The following B9D1 variants were observed in gnomAD, a reference collection of about 807,000 sequenced individuals.
The protein encoded by B9D1 is B9 domain containing 1.
In B9D1, 20 loss-of-function variants were observed where a neutral mutation model predicts 26.1. The observed-to-expected ratio is 0.77, with a 90% CI of 0.54 to 1.12. The LOEUF (loss-of-function observed/expected upper bound fraction) is 1.12. B9D1 is among the 50% of genes most tolerant of loss of function. The pLI is 0.00. For missense variants in B9D1, 260 were observed against 273.7 expected (o/e 0.95, Z 0.35); for synonymous variants, 105 against 103.1 (o/e 1.02, Z -0.11).
intron 2 of B9D1, among the ~76,000 whole-genome samples, chr17:19,358,781 T>A (rs1334293525): frequency 6.6e-6 from 1 of 152,202 alleles, no homozygotes; most frequent in African/African-American, 2.4e-5. Context: ...CAATGTGCTC[T>A]AGATGTCGAT....
At chr17:19,374,843 GAAGT>G in intron 1 of B9D1, among the ~76,000 whole-genome samples, 1 of 152,282 alleles carries the variant, frequency 6.6e-6, no homozygotes, top group East Asian at 1.9e-4. Flanking sequence ...CTGAGAAATG[GAAGT>G]AAATATCTGT....
intron 1 of B9D1, among the ~76,000 whole-genome samples, chr17:19,374,555 T>C (rs532362767): frequency 2.0e-5 from 3 of 152,372 alleles, no homozygotes; most frequent in Admixed American, 6.5e-5. Context: ...TCTTCCTGCA[T>C]ATACACTTGC....
chr17:19,347,456 C>G lies in B9D1; in HGVS notation c.342-125G>C. ...TGGGCCAAGTCAGGGCCAATGTCAA[C>G]GAATCCAACCTGTGCTAACTGAGCA... On this transcript the variant is annotated intron_variant, in intron 4 of 6. Coordinates refer to ENST00000261499, the MANE Select transcript of B9D1 (RefSeq NM_015681.6). This position sits in a 1 kb window ranked among gnomAD's most constrained non-coding sequence, Gnocchi z 4.3. 3.5e-6 allele frequency: 4 copies of G among 1,144,762 alleles called. No homozygotes were observed. Among genetic ancestry groups the G allele is most frequent in the Non-Finnish European group, 5.2e-6 (4 of 772,504 alleles). 70.9% of individuals were successfully genotyped at this position (1,144,762 alleles called of 1,614,324 possible).
intron 1 of B9D1, chr17:19,377,842 G>C (rs1912226198): frequency 1.0e-6 from 1 of 985,290 alleles, no homozygotes; most frequent in African/African-American, 1.7e-5. Context: ...ACAGACAAAC[G>C]AGCGGAGGGA....
At chr17:19,360,535 G>T in intron 1 of B9D1, 147 bp from the exon 2 acceptor site, 2 of 742,596 alleles carry the variant, frequency 2.7e-6, no homozygotes, top group Non-Finnish European at 4.8e-6. Context: ...CAGAGGAGAG[G>T]CTGAGGACCA....
intron 1 of B9D1, among the ~76,000 whole-genome samples, chr17:19,375,690 C>T (rs570574092): frequency 1.1e-4 from 16 of 152,128 alleles, no homozygotes; most frequent in African/African-American, 3.4e-4. Flanking sequence ...TGCAGTGAGC[C>T]GAGATCGTGC....
chr17:19,373,261 A>T (rs1011635100), intron 1 of B9D1, among the ~76,000 whole-genome samples: 1 of 152,140 alleles, frequency 6.6e-6, no homozygotes, highest in African/African-American at 2.4e-5. Context: ...CAGATGACTA[A>T]AAGAGTCTCA....
chr17:19,363,041 G>GC (rs771254344), upstream of B9D1: 115 of 206,590 alleles, frequency 5.6e-4, 1 homozygote, highest in Non-Finnish European at 9.2e-4. Flanking sequence ...TGTCGCTGTG[G>GC]CCCCACCGCG....
chr17:19,369,169 C>G (rs535678498), intron 1 of B9D1, among the ~76,000 whole-genome samples: 14 of 152,188 alleles, frequency 9.2e-5, no homozygotes, highest in Non-Finnish European at 1.9e-4. Context: ...ACAAGCAATT[C>G]TCCTCTCAGG....
At chr17:19,358,522 C>T (rs994439918) in intron 2 of B9D1, among the ~76,000 whole-genome samples, 2 of 152,196 alleles carry the variant, frequency 1.3e-5, no homozygotes, top group African/African-American at 4.8e-5. Context: ...CATTAATGCC[C>T]GTGACCAACA....
upstream of B9D1, among the ~76,000 whole-genome samples, chr17:19,366,922 G>A (rs1019296077): frequency 9.2e-5 from 14 of 152,326 alleles, no homozygotes; most frequent in Non-Finnish European, 1.5e-4. Flanking sequence ...AGCTACAGGG[G>A]CTGAGAGGCC....
chr17:19,362,267 G>A (rs926092550), intron 1 of B9D1, among the ~76,000 whole-genome samples: 19 of 152,256 alleles, frequency 1.2e-4, no homozygotes, highest in African/African-American at 2.4e-5. Context: ...AGGCTTGCCC[G>A]AGTGTGACCT....
chr17:19,355,641 A>C (rs1910242360), intron 3 of B9D1, among the ~76,000 whole-genome samples: 1 of 151,772 alleles, frequency 6.6e-6, no homozygotes, highest in African/African-American at 2.4e-5. Context: ...CATCCTGGCT[A>C]ACACGGTGAA....
In B9D1 at chr17:19,343,240, G is replaced by GC; in HGVS notation, c.*78dup. Reference sequence around the variant, plus strand: ...TGCCCCCAGCTCTGGCCACCAGGCTGCCCCTCAGGCCGATGGGCAGCGGCT... The same window carrying GC: ...TGCCCCCAGCTCTGGCCACCAGGCTGCCCCCTCAGGCCGATGGGCAGCGGCT... On this transcript the variant is annotated 3_prime_UTR_variant, in exon 7 of 7. Transcript: ENST00000261499. 1 of 1,605,722 alleles carries GC rather than the reference G, an allele frequency of 6.2e-7. No homozygotes were observed. Among genetic ancestry groups the GC allele is most frequent in the African/African-American group, 1.3e-5 (1 of 74,760 alleles).
At chr17:19,367,371 G>A (rs926688809), upstream of B9D1, among the ~76,000 whole-genome samples, 46 of 150,576 alleles carry the variant, frequency 3.1e-4, no homozygotes, top group Non-Finnish European at 5.5e-4. Flanking sequence ...GAGTGCAGTG[G>A]CGCCATCTCG....
At chr17:19,356,188 C>T (rs1910328577) in intron 3 of B9D1, among the ~76,000 whole-genome samples, 1 of 151,994 alleles carries the variant, frequency 6.6e-6, no homozygotes, top group African/African-American at 2.4e-5. Context: ...ACCTCCTAGG[C>T]TCCAGCGATC....
chr17:19,362,870 C>T (rs1388312733), upstream of B9D1: 3 of 587,044 alleles, frequency 5.1e-6, no homozygotes, highest in African/African-American at 1.9e-5. Flanking sequence ...CCCTACCGCT[C>T]GACTCAGTTG....
intron 1 of B9D1, among the ~76,000 whole-genome samples, chr17:19,367,873 G>C (rs1911681368): frequency 6.6e-6 from 1 of 152,196 alleles, no homozygotes; most frequent in Non-Finnish European, 1.5e-5. Flanking sequence ...GGTCTCCCCA[G>C]CCAGACTCAA....
At position 19,362,484 on chromosome 17, in the gene B9D1, C is replaced by T. The variant is rs10445411; in HGVS notation, c.63+23G>A. ...CCGGGGGACGCTGGGGGGCGGGCCCCGGCGGGGTCCACGGCCGCTCACCTG... is the reference window on the plus strand; with the variant it reads ...CCGGGGGACGCTGGGGGGCGGGCCCTGGCGGGGTCCACGGCCGCTCACCTG... On this transcript the variant is annotated intron_variant, in intron 1 of 6. Transcript: ENST00000261499. The T allele has an allele frequency of 0.71, 1,086,176 of 1,534,130 alleles. 418,472 individuals carry two copies. The highest frequency in any genetic ancestry group is 0.8 in the Non-Finnish European group (907,706 of 1,137,054).
Sources: allele counts gnomAD v4.1 joint callset (sites outside exome capture counted in the v4.1 genomes callset), GRCh38; gene constraint gnomAD v4.1.1; non-coding constraint Gnocchi (gnomAD v3.1); transcripts MANE v1.5; gene names NCBI Gene and HGNC (gene_info 2026-07-23, HGNC 2026-07-21).